The following MS4A18 variants were observed in gnomAD, a reference collection of about 807,000 sequenced individuals.
The protein encoded by MS4A18 is membrane spanning 4-domains A18.
Under a neutral mutation model 13.1 loss-of-function variants are expected in MS4A18, and 27 were observed. The ratio of observed to expected loss-of-function variants is 2.06; its 90% CI spans 1.52 to 2.84. The LOEUF is 2.84. MS4A18 is among the 30% of genes most tolerant of loss of function. MS4A18 has a pLI of 0.00. For missense variants in MS4A18, 307 were observed against 196.4 expected, an observed-to-expected ratio of 1.56 and a Z score of -3.37; for synonymous variants, 126 against 76.5, an observed-to-expected ratio of 1.65 and a Z score of -3.38.
At chr11:60,737,117 A>G (rs1853354324) in intron 3 of MS4A18, 83 bp downstream of exon 4, 6 of 699,732 alleles carry the variant, frequency 8.6e-6, no homozygotes, top group Non-Finnish European at 1.6e-5. Context: ...GACTCACAGT[A>G]GTGGTGTGGC....
chr11:60,740,892 C>A, intron 4 of MS4A18, 138 bp from the exon 6 acceptor site: 1 of 651,906 alleles, frequency 1.5e-6, no homozygotes, highest in Non-Finnish European at 2.8e-6. Flanking sequence ...ATGGGTGACC[C>A]AAGCACCTGC....
At chr11:60,732,407 A>G (rs1192062607) in intron 1 of MS4A18, among the ~76,000 whole-genome samples, 1 of 151,936 alleles carries the variant, frequency 6.6e-6, no homozygotes, top group Non-Finnish European at 1.5e-5. Flanking sequence ...TGGGAAGATG[A>G]ATGGAGTCAG....
intron 1 of MS4A18, among the ~76,000 whole-genome samples, chr11:60,732,730 C>CAAAAAA (rs200295786): frequency 1.1e-4 from 8 of 70,990 alleles, no homozygotes; most frequent in Non-Finnish European, 1.7e-4. Context: ...GACTCCGTCT[C>CAAAAAA]AAAAAAAAAA....
intron 1 of MS4A18, among the ~76,000 whole-genome samples, chr11:60,730,521 A>T (rs1853238275): frequency 1.3e-5 from 2 of 152,232 alleles, no homozygotes; most frequent in South Asian, 2.1e-4. Context: ...GTCTTTGTTC[A>T]TGGCAGCTGT....
chr11:60,742,478 A>C (rs974895234), intron 5 of MS4A18, among the ~76,000 whole-genome samples: 2 of 152,196 alleles, frequency 1.3e-5, no homozygotes, highest in Admixed American at 6.5e-5. Context: ...TGTGTTCTAG[A>C]CACACTCTTG....
intron 2 of MS4A18, among the ~76,000 whole-genome samples, chr11:60,735,739 C>G (rs1365524592): frequency 6.9e-6 from 1 of 143,966 alleles, no homozygotes; most frequent in Non-Finnish European, 1.5e-5. Flanking sequence ...TCTTGGCTCA[C>G]TTCAACCTCT....
intron 3 of MS4A18, among the ~76,000 whole-genome samples, chr11:60,737,589 T>C (rs1853360263): frequency 6.6e-6 from 1 of 152,232 alleles, no homozygotes; most frequent in Non-Finnish European, 1.5e-5. Context: ...CCCTTGCACC[T>C]TTGGGGCATT....
chr11:60,744,187 T>C (rs1590966595), exon 6 of MS4A18: 2 of 575,150 alleles, frequency 3.5e-6, no homozygotes, highest in Non-Finnish European at 6.2e-6. Context: ...ATGTCTTTTT[T>C]TTCATTCATA....
intron 3 of MS4A18, 26 bp downstream of exon 4, chr11:60,737,060 A>T: frequency 1.4e-6 from 1 of 700,768 alleles, no homozygotes; most frequent in Admixed American, 2.0e-5. Context: ...GTCTTTGATG[A>T]TCCTTGAATG....
chr11:60,741,000 T>A (rs755553351), intron 4 of MS4A18, 30 bp from the exon 6 acceptor site: 13 of 702,898 alleles, frequency 1.8e-5, no homozygotes, highest in Non-Finnish European at 3.4e-5. Flanking sequence ...CCTGAAGGAC[T>A]AAATGCCTTC....
chr11:60,736,112 G>A (rs1853335761), intron 2 of MS4A18, among the ~76,000 whole-genome samples: 2 of 152,096 alleles, frequency 1.3e-5, no homozygotes, highest in African/African-American at 4.8e-5. Context: ...TTTTGTTTGG[G>A]AAGAAGTGAG....
intron 1 of MS4A18, among the ~76,000 whole-genome samples, chr11:60,732,056 G>A (rs1243650741): frequency 2.0e-5 from 3 of 152,106 alleles, no homozygotes; most frequent in Middle Eastern, 3.2e-3. Context: ...TCATGGACCA[G>A]GAAGACAGAA....
upstream of MS4A18, among the ~76,000 whole-genome samples, chr11:60,727,176 G>C (rs1260125700): frequency 6.6e-6 from 1 of 152,124 alleles, no homozygotes; most frequent in Non-Finnish European, 1.5e-5. Context: ...GGGCATTTGG[G>C]TTGGTTCCAA....
At chr11:60,733,705 G>C in intron 2 of MS4A18, 58 bp downstream of exon 3, 1 of 702,820 alleles carries the variant, frequency 1.4e-6, no homozygotes, top group Non-Finnish European at 2.6e-6. Flanking sequence ...CAAGAAGGAA[G>C]TGGAGGAAGA....
At chr11:60,742,468 T>G (rs1853425174) in intron 5 of MS4A18, among the ~76,000 whole-genome samples, 1 of 152,216 alleles carries the variant, frequency 6.6e-6, no homozygotes, top group Non-Finnish European at 1.5e-5. Context: ...CACCTAAGAC[T>G]GTGTTCTAGA....
chr11:60,743,836 G>C (rs1156302325), exon 6 of MS4A18: 1 of 702,934 alleles, frequency 1.4e-6, no homozygotes, highest in African/African-American at 1.7e-5. Context: ...CACCAGCCCT[G>C]TCAATGTTAC....
chr11:60,744,098 C>A, exon 6 of MS4A18: 1 of 622,842 alleles, frequency 1.6e-6, no homozygotes, highest in Non-Finnish European at 2.9e-6. Flanking sequence ...TGACCATGAC[C>A]CTAGCCTTGT....
intron 2 of MS4A18, among the ~76,000 whole-genome samples, chr11:60,734,615 G>A (rs1853307794): frequency 6.6e-6 from 1 of 152,094 alleles, no homozygotes; most frequent in Admixed American, 6.5e-5. Flanking sequence ...CCCTAGGGTG[G>A]TCAAATTCAT....
In MS4A18 at chr11:60,741,144, G is replaced by A. The variant is rs1362215390; in HGVS notation, c.858+1G>A. 2.8e-6 allele frequency: 2 copies of A among 702,904 alleles called. No individual in the cohort carries two copies. The highest frequency in any genetic ancestry group is 3.5e-5 in the African/African-American group (2 of 57,242). 43.5% of individuals were successfully genotyped at this position (702,904 alleles called of 1,614,324 possible). ...GGCTACCTGCTGCAGACAATTTGAG[G>A]TAAGCATTGGACTCTGTTCCAGGAA... is the stretch of plus-strand genomic sequence containing the variant. On this transcript the variant is annotated splice_donor_variant, in intron 5 of 5. Transcript: ENST00000529108. LOFTEE classifies it high-confidence loss of function.
Sources: allele counts gnomAD v4.1 joint callset (sites outside exome capture counted in the v4.1 genomes callset), GRCh38; gene constraint gnomAD v4.1.1; transcripts MANE v1.5; gene names NCBI Gene and HGNC (gene_info 2026-07-23, HGNC 2026-07-21).